The following PIK3AP1 variants were observed in gnomAD, a reference collection of about 807,000 sequenced individuals.
PIK3AP1 encodes the protein phosphoinositide-3-kinase adaptor protein 1.
PIK3AP1 carries 21 observed loss-of-function variants against 88.1 expected under a neutral mutation model. The ratio of observed to expected loss-of-function variants is 0.24; its 90% confidence interval spans 0.17 to 0.34. The LOEUF is 0.34. Ranked by LOEUF, PIK3AP1 falls within the 10% of genes least tolerant of loss-of-function variation. The probability of loss-of-function intolerance (pLI) is 1.00; values close to 1 mark genes in which losing one functional copy is unlikely to be tolerated. For synonymous variants in PIK3AP1, 398 were observed against 400.0 expected, an observed-to-expected ratio of 1.00 and a Z score of 0.06; for missense variants, 828 against 1,035.7, an observed-to-expected ratio of 0.80 and a Z score of 2.75.
At chr10:96,701,727 C>T (rs1844300778) in intron 2 of PIK3AP1, among the ~76,000 whole-genome samples, 1 of 152,248 alleles carries the variant, frequency 6.6e-6, no homozygotes, top group East Asian at 1.9e-4. Context: ...ATGCTAAGAG[C>T]AGGCTTGCAA....
intron 8 of PIK3AP1, among the ~76,000 whole-genome samples, chr10:96,642,655 A>G (rs1843408198): frequency 6.6e-6 from 1 of 152,174 alleles, no homozygotes; most frequent in African/African-American, 2.4e-5. Flanking sequence ...GGCCCGGGTG[A>G]CTTCACAAGT....
chr10:96,697,548 T>A (rs1390863158), intron 2 of PIK3AP1, among the ~76,000 whole-genome samples: 1 of 152,020 alleles, frequency 6.6e-6, no homozygotes, highest in African/African-American at 2.4e-5. Context: ...CATAGTGAGA[T>A]CCTATCTCTA....
chr10:96,666,798 T>C (rs1317775396), intron 2 of PIK3AP1, among the ~76,000 whole-genome samples: 2 of 151,728 alleles, frequency 1.3e-5, no homozygotes, highest in Non-Finnish European at 2.9e-5. Context: ...TAGATGAAAA[T>C]CCAGTGCCCA....
chr10:96,698,365 A>T (rs891680724), intron 2 of PIK3AP1, among the ~76,000 whole-genome samples: 4 of 152,132 alleles, frequency 2.6e-5, no homozygotes, highest in Non-Finnish European at 4.4e-5. Flanking sequence ...GAAAGAAAAA[A>T]ATAGGCCGGA....
Position 96,601,367 on chromosome 10 carries a change from G to A in PIK3AP1, c.2360+913C>T, listed in dbSNP as rs552347977. The stretch of plus-strand genomic sequence containing the variant: ...CAGGTACCTGTAATCCCAGCTACTC[G>A]GAAGGCTGAGGCAGGAGAATCACTT... On this transcript the variant is annotated intron_variant, in intron 16 of 16. Coordinates refer to ENST00000339364, the MANE Select transcript of PIK3AP1 (RefSeq NM_152309.3). Among the ~76,000 whole-genome samples the A allele has an allele frequency of 1.5e-3, 231 of 149,178 alleles. 1 individual carries two copies. The highest frequency in any genetic ancestry group is 5.3e-3 in the African/African-American group (216 of 40,674).
At chr10:96,708,013 T>C (rs1844387143) in intron 2 of PIK3AP1, among the ~76,000 whole-genome samples, 3 of 152,144 alleles carry the variant, frequency 2.0e-5, no homozygotes, top group Non-Finnish European at 2.9e-5. Context: ...GAGTAGCCAA[T>C]TCCTGGGATA....
intron 2 of PIK3AP1, among the ~76,000 whole-genome samples, chr10:96,697,334 C>T (rs147471788): frequency 1.1e-4 from 16 of 152,282 alleles, no homozygotes; most frequent in African/African-American, 2.6e-4. Context: ...TCTGTACACG[C>T]GAACTTAACT....
At chr10:96,716,790 C>A (rs1464908900) in intron 1 of PIK3AP1, among the ~76,000 whole-genome samples, 2 of 152,120 alleles carry the variant, frequency 1.3e-5, no homozygotes, top group Non-Finnish European at 2.9e-5. Context: ...AAGGAGTCTA[C>A]AAGCCCTAGA....
intron 2 of PIK3AP1, among the ~76,000 whole-genome samples, chr10:96,707,321 C>T (rs895433756): frequency 6.6e-6 from 1 of 152,180 alleles, no homozygotes; most frequent in Non-Finnish European, 1.5e-5. Context: ...GAGACGGAGT[C>T]TTGCTCTGTC....
intron 2 of PIK3AP1, among the ~76,000 whole-genome samples, chr10:96,674,200 G>A (rs1460071869): frequency 6.6e-6 from 1 of 152,170 alleles, no homozygotes; most frequent in Non-Finnish European, 1.5e-5. Flanking sequence ...ATTAAAATCA[G>A]GGCTATTAAG....
intron 2 of PIK3AP1, among the ~76,000 whole-genome samples, chr10:96,696,086 T>C (rs1338716043): frequency 6.6e-6 from 1 of 152,214 alleles, no homozygotes; most frequent in Non-Finnish European, 1.5e-5. Context: ...AACTGGGACA[T>C]TCAAAATGGT....
chr10:96,659,977 A>G (rs1843664290), intron 2 of PIK3AP1, among the ~76,000 whole-genome samples: 1 of 152,092 alleles, frequency 6.6e-6, no homozygotes, highest in Admixed American at 6.5e-5. Flanking sequence ...GTCTTCTAGT[A>G]AAGTTTTAAA....
At chr10:96,662,071 C>T (rs779985008) in intron 2 of PIK3AP1, among the ~76,000 whole-genome samples, 5 of 152,098 alleles carry the variant, frequency 3.3e-5, no homozygotes, top group Non-Finnish European at 7.4e-5. Context: ...ATGAGCAAGA[C>T]TTGATAATAT....
chr10:96,633,075 T>C (rs1843268155), intron 8 of PIK3AP1: 2 of 1,576,544 alleles, frequency 1.3e-6, no homozygotes, highest in Non-Finnish European at 1.7e-6. Context: ...ACAAGAGCAA[T>C]TTCTCTCATA....
At chr10:96,710,110 A>T (rs1176153700) in intron 1 of PIK3AP1, 127 bp from the exon 2 acceptor site, 3 of 739,296 alleles carry the variant, frequency 4.1e-6, no homozygotes, top group Non-Finnish European at 6.5e-6. Context: ...GTGTGCCTCC[A>T]GCACACCAGC....
At chr10:96,634,600 C>A (rs1175101349) in intron 8 of PIK3AP1, among the ~76,000 whole-genome samples, 2 of 152,110 alleles carry the variant, frequency 1.3e-5, no homozygotes, top group Non-Finnish European at 2.9e-5. Context: ...CAGTACCTAC[C>A]TCATATGATG....
At chr10:96,717,429 G>C (rs943864833) in intron 1 of PIK3AP1, among the ~76,000 whole-genome samples, 5 of 152,144 alleles carry the variant, frequency 3.3e-5, no homozygotes, top group Non-Finnish European at 7.4e-5. Context: ...GAAGAGGGAT[G>C]AGAGATAGGG....
intron 9 of PIK3AP1, among the ~76,000 whole-genome samples, chr10:96,628,182 C>T (rs1843178748): frequency 6.6e-6 from 1 of 152,218 alleles, no homozygotes; most frequent in African/African-American, 2.4e-5. Flanking sequence ...AAACAAGTGG[C>T]TCCACTGGTT....
intron 2 of PIK3AP1, among the ~76,000 whole-genome samples, chr10:96,664,927 A>G (rs191272492): frequency 2.1e-5 from 3 of 143,076 alleles, no homozygotes; most frequent in Non-Finnish European, 4.9e-5. Flanking sequence ...ATGCCCACTC[A>G]GACATAAGCA....
Sources: gnomAD v4.1 joint callset for allele counts (sites outside exome capture counted in the v4.1 genomes callset) on GRCh38, gnomAD v4.1.1 for gene constraint, MANE v1.5 for transcripts, NCBI Gene and HGNC (gene_info 2026-07-23, HGNC 2026-07-21) for gene names.